The following KIAA0825 variants were observed in gnomAD, a reference collection of about 807,000 sequenced individuals.
KIAA0825 encodes the protein uncharacterized protein KIAA0825.
Under a neutral mutation model 147.6 loss-of-function variants are expected in KIAA0825, and 119 were observed. The ratio of observed to expected loss-of-function variants is 0.81; its 90% confidence interval spans 0.69 to 0.94. The LOEUF is 0.94. KIAA0825 is among the 40% of genes least tolerant of loss of function. The probability of loss-of-function intolerance (pLI) is 0.00; values close to 1 mark genes in which losing one functional copy is unlikely to be tolerated. For missense variants in KIAA0825, 1,381 were observed against 1,472.7 expected, an observed-to-expected ratio of 0.94 and a Z score of 1.02; for synonymous variants, 470 against 518.1, an observed-to-expected ratio of 0.91 and a Z score of 1.26.
chr5:94,437,898 T>C (rs1756576847), intron 14 of KIAA0825, among the ~76,000 whole-genome samples: 1 of 152,186 alleles, frequency 6.6e-6, no homozygotes. Flanking sequence ...ATGTTTTATA[T>C]TCTAATTGAT....
chr5:94,588,312 C>G (rs570807296), intron 1 of KIAA0825, among the ~76,000 whole-genome samples: 114 of 152,232 alleles, frequency 7.5e-4, no homozygotes, highest in African/African-American at 2.7e-3. Context: ...GGGCTAATAT[C>G]CAGAATCTAC....
At chr5:94,431,814 T>C (rs1241962587) in intron 14 of KIAA0825, among the ~76,000 whole-genome samples, 3 of 152,226 alleles carry the variant, frequency 2.0e-5, no homozygotes, top group Non-Finnish European at 2.9e-5. Flanking sequence ...AAATCTATGA[T>C]GCACAACCTA....
intron 20 of KIAA0825, among the ~76,000 whole-genome samples, chr5:94,155,385 T>A (rs1766944449): frequency 6.6e-6 from 1 of 151,476 alleles, no homozygotes; most frequent in African/African-American, 2.4e-5. Flanking sequence ...GCCTGGCCAA[T>A]TTTTTTAATT....
Position 94,345,531 on chromosome 5 carries a change from T to C in KIAA0825, c.3710+38837A>G, listed in dbSNP as rs528300829. The stretch of plus-strand genomic sequence containing the variant: ...GTGTGTGACACTGAAAATTCTTTCT[T>C]TGAAACTATTTTCTCATCTTTATAA... On this transcript the variant is annotated intron_variant, in intron 20 of 20. Coordinates refer to ENST00000682413, the MANE Select transcript of KIAA0825 (RefSeq NM_001145678.3). 7.2e-5 allele frequency among the ~76,000 whole-genome samples: 11 copies of C among 152,256 alleles called. No homozygotes were observed. In the South Asian group the frequency reaches 2.1e-3, roughly 29 times the overall value.
chr5:94,177,561 G>A (rs929787556), intron 20 of KIAA0825, among the ~76,000 whole-genome samples: 5 of 152,038 alleles, frequency 3.3e-5, no homozygotes, highest in Non-Finnish European at 7.4e-5. Context: ...TCCTACTGTT[G>A]TGGAATGTAT....
rs953710325 is a variant in KIAA0825, at chr5:94,520,709, C to T, written c.509G>A (p.Arg170His). ...GCTTTGTAATTTGCTCACTAAGAAG[C>T]GTCGAAGATGCAGTCTTATATCATC... The part of the protein sequence containing the change: ...MWDDIRLHLR[R>H]FLVSKLQSHN... Residue 170 changes from arginine (R) to histidine (H), a missense_variant, in exon 5 of 21, where the codon CGC becomes CAC. Transcript: ENST00000682413. The T allele has an allele frequency of 5.0e-6, 8 of 1,613,134 alleles. No homozygotes were observed. The highest frequency in any genetic ancestry group is 1.3e-5 in the African/African-American group (1 of 74,852).
intron 20 of KIAA0825, among the ~76,000 whole-genome samples, chr5:94,375,156 C>T (rs1191681529): frequency 3.3e-5 from 5 of 151,562 alleles, no homozygotes; most frequent in East Asian, 1.9e-4. Context: ...CTCAGCCTCC[C>T]GAGTAGCTGG....
At chr5:94,401,746 G>A (rs909508307) in intron 16 of KIAA0825, among the ~76,000 whole-genome samples, 2 of 152,082 alleles carry the variant, frequency 1.3e-5, no homozygotes, top group Non-Finnish European at 2.9e-5. Context: ...TTTTGAAACA[G>A]TTATACTAGT....
rs1554295084 is a variant in KIAA0825, at chr5:94,503,073, A to AAAAT, written c.970+17174_970+17175insATTT. Among the ~76,000 whole-genome samples, 278 of 147,244 alleles carry AAAAT rather than the reference A, an allele frequency of 1.9e-3. 1 individual carries two copies. The highest frequency in any genetic ancestry group is 6.7e-3 in the African/African-American group (269 of 39,940). On this transcript the variant is annotated intron_variant, in intron 5 of 20. Transcript: ENST00000682413. ...GCAGTGAGACTCCATCTCAAAAAAA[A>AAAAT]ATATATATATATATGATATATATAT...
chr5:94,208,964 T>G (rs1176062808), intron 20 of KIAA0825, among the ~76,000 whole-genome samples: 1 of 152,192 alleles, frequency 6.6e-6, no homozygotes, highest in Non-Finnish European at 1.5e-5. Context: ...CCCAAAAATT[T>G]GTATGCAGTA....
In KIAA0825 at chr5:94,185,730, C is replaced by T. The variant is rs143714832; in HGVS notation, c.3711-31606G>A. ...TTCCTAGTTCCAGTTTATTATGATT[C>T]TTAAAGAGTAGAGATTCAAACCATC... On this transcript the variant is annotated intron_variant, in intron 20 of 20. Coordinates refer to ENST00000682413, the MANE Select transcript of KIAA0825 (RefSeq NM_001145678.3). Among the ~76,000 whole-genome samples the T allele has an allele frequency of 1.2e-3, 180 of 152,060 alleles. 1 individual carries two copies. Among genetic ancestry groups the T allele is most frequent in the African/African-American group, 4.1e-3 (169 of 41,474 alleles).
intron 20 of KIAA0825, among the ~76,000 whole-genome samples, chr5:94,257,374 T>A (rs1389453265): frequency 6.6e-6 from 1 of 152,080 alleles, no homozygotes; most frequent in Non-Finnish European, 1.5e-5. Context: ...AAAGAAAACC[T>A]GTTTGAACCA....
chr5:94,515,774 A>G (rs950710670), intron 5 of KIAA0825, among the ~76,000 whole-genome samples: 1 of 143,520 alleles, frequency 7.0e-6, no homozygotes, highest in Non-Finnish European at 1.5e-5. Context: ...CCTGGGCAAC[A>G]GAGGGAGACT....
At chr5:94,390,429 T>C (rs29916) in intron 18 of KIAA0825, among the ~76,000 whole-genome samples, 37,267 of 152,080 alleles carry the variant, frequency 0.25, 5,080 homozygotes, top group African/African-American at 0.36. Context: ...GTGAGGGGTT[T>C]CTGAGTTTCC....
intron 2 of KIAA0825, among the ~76,000 whole-genome samples, chr5:94,545,446 T>C (rs759543239): frequency 4.6e-5 from 7 of 152,156 alleles, no homozygotes; most frequent in Non-Finnish European, 1.0e-4. Context: ...CTGCAAAAGA[T>C]ACTCATTCCT....
intron 20 of KIAA0825, among the ~76,000 whole-genome samples, chr5:94,169,138 A>G (rs1309287298): frequency 1.3e-5 from 2 of 152,228 alleles, no homozygotes; most frequent in African/African-American, 4.8e-5. Flanking sequence ...GAGAATCTGA[A>G]TAAAAGTATC....
chr5:94,450,249 T>G (rs1584524699), intron 13 of KIAA0825, among the ~76,000 whole-genome samples: 1 of 150,820 alleles, frequency 6.6e-6, no homozygotes, highest in Middle Eastern at 3.4e-3. Context: ...TTTTTCTATA[T>G]GTACTTTTTT....
At chr5:94,384,492 A>C in intron 19 of KIAA0825, 34 bp from the exon 20 acceptor site, 3 of 1,492,244 alleles carry the variant, frequency 2.0e-6, no homozygotes, top group South Asian at 2.4e-5. Flanking sequence ...CACTATTGTT[A>C]GTTATTAATC....
chr5:94,598,155 T>C (rs1210316634), intron 1 of KIAA0825, among the ~76,000 whole-genome samples: 2 of 152,152 alleles, frequency 1.3e-5, no homozygotes, highest in African/African-American at 4.8e-5. Flanking sequence ...ATTATTTTTT[T>C]ACTTTTGTGT....
Sources: gnomAD v4.1 joint callset for allele counts (sites outside exome capture counted in the v4.1 genomes callset) on GRCh38, gnomAD v4.1.1 for gene constraint, MANE v1.5 for transcripts, NCBI Gene and HGNC (gene_info 2026-07-23, HGNC 2026-07-21) for gene names.